TNIK: variants seen among roughly 807,000 people sequenced by gnomAD.
The protein encoded by TNIK is TRAF2 and NCK-interacting protein kinase.
In TNIK, 49 loss-of-function variants were observed where a neutral mutation model predicts 191.3. The observed-to-expected ratio is 0.26, with a 90% CI of 0.20 to 0.32. TNIK has a LOEUF of 0.32. Ranked by LOEUF, TNIK falls within the 10% of genes least tolerant of loss-of-function variation. The probability of loss-of-function intolerance (pLI) is 1.00; values close to 1 mark genes in which losing one functional copy is unlikely to be tolerated. For synonymous variants in TNIK, 594 were observed against 600.9 expected, an observed-to-expected ratio of 0.99 and a Z score of 0.17; for missense variants, 1,155 against 1,702.3, an observed-to-expected ratio of 0.68 and a Z score of 5.66.
At position 171,406,098 on chromosome 3, in the gene TNIK, C is replaced by T. The variant is rs935552997; in HGVS notation, c.58-36413G>A. ...GTAAGCATATATGGATCTATAACAC[C>T]AGAAAAACAAACACATGTTGAGTTA... On this transcript the variant is annotated intron_variant, in intron 1 of 32. Coordinates refer to ENST00000436636, the MANE Select transcript of TNIK (RefSeq NM_015028.4). Among the ~76,000 whole-genome samples the T allele has an allele frequency of 3.9e-5, 6 of 152,016 alleles. No individual in the cohort carries two copies. In the East Asian group the frequency reaches 9.6e-4, roughly 24 times the overall value.
intron 1 of TNIK, among the ~76,000 whole-genome samples, chr3:171,380,957 T>A (rs991084781): frequency 1.3e-5 from 2 of 152,200 alleles, no homozygotes; most frequent in Non-Finnish European, 2.9e-5. Flanking sequence ...CAAACCAATC[T>A]TAGTCCATCA....
intron 1 of TNIK, among the ~76,000 whole-genome samples, chr3:171,390,066 G>T (rs899923734): frequency 6.6e-6 from 1 of 152,110 alleles, no homozygotes; most frequent in Admixed American, 6.5e-5. Flanking sequence ...AGTAATTAAG[G>T]TTCTCATGCA....
At chr3:171,200,145 TA>T (rs1373035124) in intron 4 of TNIK, among the ~76,000 whole-genome samples, 3 of 152,178 alleles carry the variant, frequency 2.0e-5, no homozygotes, top group African/African-American at 4.8e-5. Context: ...GCAGGGGTGA[TA>T]GGGGGTGGAG....
chr3:171,114,111 G>A (rs536687154), intron 18 of TNIK, among the ~76,000 whole-genome samples: 2 of 150,834 alleles, frequency 1.3e-5, no homozygotes, highest in African/African-American at 4.9e-5. Flanking sequence ...TTTACACAAT[G>A]CTGGGCATGG....
chr3:171,207,791 G>A (rs1740285970), intron 4 of TNIK, among the ~76,000 whole-genome samples: 1 of 152,138 alleles, frequency 6.6e-6, no homozygotes, highest in Admixed American at 6.5e-5. Flanking sequence ...TGAATCTGCA[G>A]GCCTCAGGGA....
rs547986463 is a variant in TNIK at position 171,431,872 on chromosome 3, A to T, written c.57+28135T>A. ...CAACTTACATCCTGCCTTTTGGCAA[A>T]TCCCAAGACTAGTTAATTACCTCTT... On this transcript the variant is annotated intron_variant, in intron 1 of 32. Coordinates refer to ENST00000436636, the MANE Select transcript of TNIK (RefSeq NM_015028.4). 7.2e-5 allele frequency among the ~76,000 whole-genome samples: 11 copies of T among 152,332 alleles called. No individual in the cohort carries two copies. In the South Asian group the frequency reaches 2.1e-3, roughly 29 times the overall value.
chr3:171,068,919 C>A lies in TNIK; in HGVS notation c.3628G>T (p.Gly1210Cys). 1 of 1,613,604 alleles carries A rather than the reference C, an allele frequency of 6.2e-7. No individual in the cohort carries two copies. The highest frequency in any genetic ancestry group is 8.5e-7 in the Non-Finnish European group (1 of 1,179,706). ...EEGQRLKVIF[G>C]SHTGFHVIDV... is the part of the protein sequence containing the mutation. ...ATTACATGGAAACCAGTGTGTGAAC[C>A]AAAAATAACCTTTAATCTTTGACCT... Residue 1210 changes from glycine (G) to cysteine (C), a missense_variant, in exon 30 of 33, where the codon GGT (glycine) becomes TGT (cysteine). Around this residue, in one of 3 missense-constraint regions of TNIK, gnomAD observed 195 missense variants for 415.4 expected, o/e 0.47. Transcript: ENST00000436636.
In TNIK at chr3:171,110,212, A is replaced by G. The variant is rs534018711; in HGVS notation, c.2284+502T>C. On this transcript the variant is annotated intron_variant, in intron 19 of 32. Transcript: ENST00000436636. ...GTGAGCCACCACACTCGGCCTAAAT[A>G]TGCTTTTTAAGTCAAAGATTTTATT... Among the ~76,000 whole-genome samples the G allele has an allele frequency of 5.3e-5, 8 of 152,260 alleles. No homozygotes were observed. In the East Asian group the frequency reaches 1.5e-3, roughly 29 times the overall value.
intron 1 of TNIK, among the ~76,000 whole-genome samples, chr3:171,391,576 G>A (rs1045690955): frequency 1.3e-5 from 2 of 152,038 alleles, no homozygotes; most frequent in Non-Finnish European, 2.9e-5. Flanking sequence ...ACATAAATAA[G>A]TACCCCTAGA....
At chr3:171,243,321 T>C (rs533596156) in intron 2 of TNIK, among the ~76,000 whole-genome samples, 301 of 152,300 alleles carry the variant, frequency 2.0e-3, no homozygotes, top group Non-Finnish European at 3.0e-3. Context: ...TTCTGTAAGT[T>C]GAAATGGATT....
At chr3:171,451,792 C>G (rs1428250467) in intron 1 of TNIK, among the ~76,000 whole-genome samples, 1 of 152,136 alleles carries the variant, frequency 6.6e-6, no homozygotes, top group Non-Finnish European at 1.5e-5. Context: ...TAGTAGCACC[C>G]AATAATCAGG....
chr3:171,425,421 T>C (rs925626049), intron 1 of TNIK, among the ~76,000 whole-genome samples: 7 of 152,216 alleles, frequency 4.6e-5, no homozygotes, highest in African/African-American at 1.7e-4. Context: ...TTATTACCCA[T>C]TCCTGCAGAG....
chr3:171,236,381 GT>G (rs1307081190), intron 2 of TNIK, among the ~76,000 whole-genome samples: 1 of 152,186 alleles, frequency 6.6e-6, no homozygotes, highest in East Asian at 1.9e-4. Flanking sequence ...TGATGTGAGT[GT>G]TTTGCTCAAC....
chr3:171,373,157 A>G (rs1355919641), intron 1 of TNIK, among the ~76,000 whole-genome samples: 3 of 152,188 alleles, frequency 2.0e-5, no homozygotes, highest in Non-Finnish European at 4.4e-5. Context: ...TCTCCATTCT[A>G]GAGTACCTCT....
At chr3:171,355,059 T>C (rs1028341254) in intron 2 of TNIK, among the ~76,000 whole-genome samples, 10 of 152,196 alleles carry the variant, frequency 6.6e-5, no homozygotes, top group Admixed American at 5.9e-4. Context: ...TTATGACTAT[T>C]TACTCAGCTG....
intron 2 of TNIK, among the ~76,000 whole-genome samples, chr3:171,343,580 C>G (rs893453426): frequency 1.3e-5 from 2 of 152,140 alleles, no homozygotes; most frequent in African/African-American, 2.4e-5. Flanking sequence ...GAAACAGAAC[C>G]TTTGTTCACT....
At chr3:171,104,101 AGGCGAG>A (rs1576818532) in intron 21 of TNIK, among the ~76,000 whole-genome samples, 1 of 151,152 alleles carries the variant, frequency 6.6e-6, no homozygotes, top group African/African-American at 2.5e-5. Context: ...AACAGTTTGG[AGGCGAG>A]ACATATACCA....
At chr3:171,266,941 C>A (rs1005597723) in intron 2 of TNIK, among the ~76,000 whole-genome samples, 1 of 152,206 alleles carries the variant, frequency 6.6e-6, no homozygotes, top group Admixed American at 6.5e-5. Flanking sequence ...AAAAACATTT[C>A]ACTCTCAGAT....
rs1247469200 is a variant in TNIK at position 171,159,681 on chromosome 3, G to C, written c.1016+1589C>G. Among the ~76,000 whole-genome samples the C allele has an allele frequency of 1.3e-5, 2 of 152,212 alleles. No homozygotes were observed. Among genetic ancestry groups the C allele is most frequent in the African/African-American group, 4.8e-5 (2 of 41,446 alleles). ...GTCAGAAGATCTGAGCTGTGTTAGTGACTCAACCATTAACTCTGTGTGTGA... is the reference window on the plus strand; with the variant it reads ...GTCAGAAGATCTGAGCTGTGTTAGTCACTCAACCATTAACTCTGTGTGTGA... On this transcript the variant is annotated intron_variant, in intron 11 of 32. Coordinates refer to ENST00000436636, the MANE Select transcript of TNIK (RefSeq NM_015028.4). This position sits in a 1 kb window ranked among gnomAD's most constrained non-coding sequence, Gnocchi z 4.1.
Sources: allele counts gnomAD v4.1 joint callset (sites outside exome capture counted in the v4.1 genomes callset), GRCh38; gene constraint gnomAD v4.1.1; regional missense constraint gnomAD v4.1.1; non-coding constraint Gnocchi (gnomAD v3.1); transcripts MANE v1.5; gene names NCBI Gene and HGNC (gene_info 2026-07-23, HGNC 2026-07-21).